The following SMCHD1 variants were observed in gnomAD, a reference collection of about 807,000 sequenced individuals.
SMCHD1 encodes structural maintenance of chromosomes flexible hinge domain-containing protein 1.
In SMCHD1, 78 loss-of-function variants were observed where a neutral mutation model predicts 254.7. The ratio of observed to expected loss-of-function variants is 0.31; its 90% CI spans 0.26 to 0.37. SMCHD1 has a LOEUF of 0.37. Among genes scored for constraint, SMCHD1 ranks in the 10% least tolerant of loss-of-function variants. SMCHD1 has a pLI of 1.00. For missense variants in SMCHD1, 1,840 were observed against 2,408.1 expected, an observed-to-expected ratio of 0.76 and a Z score of 4.94; for synonymous variants, 766 against 794.9, an observed-to-expected ratio of 0.96 and a Z score of 0.61.
intron 36 of SMCHD1, among the ~76,000 whole-genome samples, chr18:2,762,679 T>C (rs2075807259): frequency 1.3e-5 from 2 of 152,014 alleles, no homozygotes; most frequent in South Asian, 4.1e-4. Context: ...GGTTTTGCTG[T>C]GTTTTGCTGT....
At chr18:2,754,508 A>G (rs2075635944) in intron 34 of SMCHD1, among the ~76,000 whole-genome samples, 1 of 152,226 alleles carries the variant, frequency 6.6e-6, no homozygotes, top group South Asian at 2.1e-4. Flanking sequence ...AATTGTGACA[A>G]TGCGTATAAA....
intron 17 of SMCHD1, among the ~76,000 whole-genome samples, chr18:2,708,408 A>G (rs929907359): frequency 2.1e-4 from 32 of 152,208 alleles, no homozygotes; most frequent in African/African-American, 7.7e-4. Flanking sequence ...ACGAGCCTAT[A>G]TAGTCCCAGC....
At chr18:2,773,909 C>T (rs1303680687) in intron 41 of SMCHD1, among the ~76,000 whole-genome samples, 1 of 151,880 alleles carries the variant, frequency 6.6e-6, no homozygotes, top group South Asian at 2.1e-4. Context: ...AGTGACAGAG[C>T]GAGACTCTGT....
At chr18:2,686,526 G>A (rs1275486775) in intron 5 of SMCHD1, among the ~76,000 whole-genome samples, 1 of 152,080 alleles carries the variant, frequency 6.6e-6, no homozygotes, top group African/African-American at 2.4e-5. Context: ...AAAACATATA[G>A]TCTGTTTTTC....
At chr18:2,719,640 T>G (rs2074880955) in intron 19 of SMCHD1, among the ~76,000 whole-genome samples, 1 of 150,758 alleles carries the variant, frequency 6.6e-6, no homozygotes, top group African/African-American at 2.4e-5. Context: ...TTGCCCAGGC[T>G]GGAGTGCAGT....
At chr18:2,772,457 G>A (rs1300251764) in intron 41 of SMCHD1, 85 bp downstream of exon 41, 1 of 1,180,674 alleles carries the variant, frequency 8.5e-7, no homozygotes, top group East Asian at 2.8e-5. Context: ...TGACAAAAAA[G>A]TGTCAGGTTC....
chr18:2,752,048 A>G (rs1242701626), intron 33 of SMCHD1, among the ~76,000 whole-genome samples: 2 of 152,152 alleles, frequency 1.3e-5, no homozygotes, highest in Admixed American at 6.5e-5. Flanking sequence ...ATTGGCTACC[A>G]TATTGGATAA....
At chr18:2,671,206 G>A (rs1415972397) in intron 3 of SMCHD1, among the ~76,000 whole-genome samples, 1 of 152,024 alleles carries the variant, frequency 6.6e-6, no homozygotes, top group East Asian at 1.9e-4. Flanking sequence ...AAAGTGCTGG[G>A]ATTACAGGCG....
chr18:2,747,611 T>C lies in SMCHD1; in HGVS notation c.3891T>C (p.His1297=), dbSNP rs758075470. 2.6e-5 allele frequency: 41 copies of C among 1,606,122 alleles called. No homozygotes were observed. Among genetic ancestry groups the C allele is most frequent in the Non-Finnish European group, 3.4e-5 (40 of 1,175,538 alleles). ...DQWDNPAPVQ[H]VKISLTKASN... is the part of the protein sequence containing the mutation. Reference sequence around the variant, plus strand: ...GGGATAATCCAGCACCGGTACAACATGTTAAAATAAGTCTTACAAAAGCTA... The same window carrying C: ...GGGATAATCCAGCACCGGTACAACACGTTAAAATAAGTCTTACAAAAGCTA... The change falls in exon 30 of 48, where the codon CAT becomes CAC. Residue 1297 remains histidine (H), a synonymous_variant. Coordinates refer to ENST00000320876, the MANE Select transcript of SMCHD1 (RefSeq NM_015295.3).
At chr18:2,660,423 TTA>T (rs768931688) in intron 1 of SMCHD1, among the ~76,000 whole-genome samples, 6 of 151,780 alleles carry the variant, frequency 4.0e-5, no homozygotes. Context: ...AAAAGATAGT[TTA>T]TGTGTCTTAA....
chr18:2,707,129 G>A (rs1251258838), intron 15 of SMCHD1, among the ~76,000 whole-genome samples: 5 of 152,126 alleles, frequency 3.3e-5, no homozygotes, highest in African/African-American at 9.7e-5. Flanking sequence ...GATGAGATTC[G>A]GATGGGGACA....
chr18:2,775,455 C>A (rs2076052036), intron 41 of SMCHD1, among the ~76,000 whole-genome samples: 1 of 151,942 alleles, frequency 6.6e-6, no homozygotes, highest in Non-Finnish European at 1.5e-5. Flanking sequence ...CTAATTATTT[C>A]ATCCCTGAAC....
intron 3 of SMCHD1, among the ~76,000 whole-genome samples, chr18:2,669,258 T>A (rs1057006598): frequency 2.0e-5 from 3 of 152,134 alleles, no homozygotes; most frequent in African/African-American, 4.8e-5. Flanking sequence ...GCAGGGGGAT[T>A]GCTTGAGTGA....
rs1228415644 is a variant in SMCHD1 at position 2,656,092 on chromosome 18, G to A, written c.17G>A (p.Gly6Asp). The A allele has an allele frequency of 7.1e-7, 1 of 1,406,240 alleles. No individual in the cohort carries two copies. Among genetic ancestry groups the A allele is most frequent in the Non-Finnish European group, 9.3e-7 (1 of 1,077,816 alleles). 87.1% of individuals were successfully genotyped at this position (1,406,240 alleles called of 1,614,324 possible). A position where few individuals can be genotyped will look rare whatever the true frequency, so the allele number is the denominator to read the frequency against. ...TTCCCCAATATGGCAGCGGCGGACG[G>A]CGGCGGGCCTGGTGGGGCCTCTGTG... MAAAD[G>D]GGPGGASVGT... Residue 6 changes from glycine (G) to aspartate (D), a missense_variant, in exon 1 of 48, where the codon GGC becomes GAC. Coordinates refer to ENST00000320876, the MANE Select transcript of SMCHD1 (RefSeq NM_015295.3).
At chr18:2,716,285 A>G (rs2074798292) in intron 17 of SMCHD1, among the ~76,000 whole-genome samples, 2 of 152,174 alleles carry the variant, frequency 1.3e-5, no homozygotes, top group Admixed American at 1.3e-4. Context: ...CAATTGTGGT[A>G]GTAGAGGTGG....
intron 3 of SMCHD1, among the ~76,000 whole-genome samples, chr18:2,668,319 A>G (rs188032613): frequency 2.8e-4 from 43 of 152,344 alleles, no homozygotes; most frequent in Middle Eastern, 6.8e-3. Flanking sequence ...TATTGGCTAC[A>G]GTGCCAGGCA....
At chr18:2,779,196 A>G (rs1207217742) in intron 44 of SMCHD1, 1 of 131,934 alleles carries the variant, frequency 7.6e-6, no homozygotes, top group African/African-American at 2.4e-5. Context: ...TTTAAACAAC[A>G]ACATATTAGT....
chr18:2,717,987 TAAC>T (rs2074840588), intron 17 of SMCHD1, among the ~76,000 whole-genome samples, 168 bp from the exon 18 acceptor site: 2 of 152,152 alleles, frequency 1.3e-5, no homozygotes, highest in Non-Finnish European at 2.9e-5. Flanking sequence ...ATTGAAGAGT[TAAC>T]TATTATTATT....
At chr18:2,685,254 C>T (rs2074024657) in intron 5 of SMCHD1, among the ~76,000 whole-genome samples, 1 of 151,858 alleles carries the variant, frequency 6.6e-6, no homozygotes, top group Non-Finnish European at 1.5e-5. Context: ...CGCCCGCCAC[C>T]ACGCCCGGCT....
Sources: allele counts gnomAD v4.1 joint callset (sites outside exome capture counted in the v4.1 genomes callset), GRCh38; gene constraint gnomAD v4.1.1; transcripts MANE v1.5; gene names NCBI Gene and HGNC (gene_info 2026-07-23, HGNC 2026-07-21).